The following RARRES1 variants were observed in gnomAD, a reference collection of about 807,000 sequenced individuals.
RARRES1 encodes the protein retinoic acid receptor responder protein 1.
A neutral mutation model predicts 30.6 loss-of-function variants in RARRES1; 34 were observed. The ratio of observed to expected loss-of-function variants is 1.11; its 90% confidence interval spans 0.84 to 1.48. RARRES1 has a LOEUF of 1.48. Among genes scored for constraint, RARRES1 ranks in the 40% most tolerant of loss-of-function variants. The pLI, the probability that RARRES1 is intolerant of heterozygous loss-of-function variation, is 0.00. For missense variants in RARRES1, 373 were observed against 386.5 expected (o/e 0.97, Z 0.29); for synonymous variants, 153 against 155.5 (o/e 0.98, Z 0.12).
chr3:158,703,402 G>C (rs1026443228), intron 4 of RARRES1, among the ~76,000 whole-genome samples: 2 of 151,926 alleles, frequency 1.3e-5, no homozygotes, highest in South Asian at 4.2e-4. Flanking sequence ...ATATAAACAT[G>C]CTGTTATGTC....
chr3:158,721,594 A>G (rs1324794016), intron 1 of RARRES1, among the ~76,000 whole-genome samples: 5 of 152,324 alleles, frequency 3.3e-5, no homozygotes, highest in African/African-American at 9.6e-5. Flanking sequence ...CGCCGAGACT[A>G]TTCTCTTCAA....
intron 3 of RARRES1, among the ~76,000 whole-genome samples, chr3:158,709,915 A>G (rs746757061): frequency 9.2e-5 from 14 of 152,230 alleles, no homozygotes; most frequent in Non-Finnish European, 1.8e-4. Flanking sequence ...AGACAGCACC[A>G]CTGCCCATTA....
At position 158,732,276 on chromosome 3, in the gene RARRES1, C is replaced by A; in HGVS notation, c.140G>T (p.Gly47Val). 4.3e-5 allele frequency: 58 copies of A among 1,354,414 alleles called. No homozygotes were observed. The highest frequency in any genetic ancestry group is 5.5e-5 in the Non-Finnish European group (58 of 1,063,680). The allele number at this position is 1,354,414 out of a possible 1,614,324, so 83.9% of individuals were successfully genotyped here. The change falls in exon 1 of 6, where the codon GGG becomes GTG. Residue 47 changes from glycine (G) to valine (V), a missense_variant. Physicochemically the swap from Gly to Val is moderately radical, Grantham distance 109. Transcript: ENST00000237696. Reference sequence around the variant, plus strand: ...CGGGACCCCAGCATCCTGAGGCTGCCCAGGGTCGTCGGGGTCCCCGGACCC... The same window carrying A: ...CGGGACCCCAGCATCCTGAGGCTGCACAGGGTCGTCGGGGTCCCCGGACCC... ...PAGSGDPDDP[G>V]QPQDAGVPRR...
chr3:158,713,527 T>C (rs1312300446), intron 2 of RARRES1, among the ~76,000 whole-genome samples: 2 of 152,070 alleles, frequency 1.3e-5, no homozygotes, highest in East Asian at 3.9e-4. Context: ...AGCTGTGAAA[T>C]TCTCTCCCAG....
intron 1 of RARRES1, among the ~76,000 whole-genome samples, chr3:158,729,523 T>A (rs1441023656): frequency 6.6e-6 from 1 of 152,124 alleles, no homozygotes; most frequent in African/African-American, 2.4e-5. Context: ...CCATCTTGGC[T>A]CACTGCAACC....
intron 1 of RARRES1, among the ~76,000 whole-genome samples, chr3:158,720,273 T>TGTGTGAGAGA (rs1160861397): frequency 1.7e-4 from 24 of 144,452 alleles, no homozygotes; most frequent in African/African-American, 5.7e-4. Flanking sequence ...TGTATGTGTG[T>TGTGTGAGAGA]GAGAGAGAGA....
intron 1 of RARRES1, among the ~76,000 whole-genome samples, chr3:158,721,152 A>T (rs1016037119): frequency 6.6e-6 from 1 of 151,638 alleles, no homozygotes; most frequent in African/African-American, 2.4e-5. Context: ...CTGGAAAGGT[A>T]GTGTGTGTGC....
intron 1 of RARRES1, among the ~76,000 whole-genome samples, chr3:158,720,745 C>T (rs763338612): frequency 5.9e-5 from 9 of 152,140 alleles, no homozygotes; most frequent in African/African-American, 1.4e-4. Flanking sequence ...AGGGATTCTC[C>T]GGGCCGCCTT....
In RARRES1 at chr3:158,713,782, A is replaced by AT. The variant is rs1265243623; in HGVS notation, c.339+14dup. ...CAGTTGCTAATAGGATACTTTGCCA[A>AT]TTGTGGCAGCTTACCTCTGGGTTGT... On this transcript the variant is annotated intron_variant, in intron 2 of 5. Transcript: ENST00000237696. 1.0e-5 allele frequency: 16 copies of AT among 1,607,300 alleles called. No individual in the cohort carries two copies. The highest frequency in any genetic ancestry group is 1.2e-5 in the Non-Finnish European group (14 of 1,176,442).
chr3:158,709,109 C>T (rs59246409), intron 3 of RARRES1, among the ~76,000 whole-genome samples: 2,488 of 152,188 alleles, frequency 0.016, 66 homozygotes, highest in African/African-American at 0.057. Context: ...ACAAGTTTTT[C>T]GATGAAAAGT....
intron 4 of RARRES1, 32 bp from the exon 5 acceptor site, chr3:158,698,002 A>G (rs1559866477): frequency 7.2e-7 from 1 of 1,392,434 alleles, no homozygotes; most frequent in Admixed American, 1.9e-5. Context: ...AGTGTAATAA[A>G]TATGGTGGTA....
At chr3:158,700,890 G>C (rs569270897) in intron 4 of RARRES1, among the ~76,000 whole-genome samples, 7 of 151,230 alleles carry the variant, frequency 4.6e-5, no homozygotes, top group African/African-American at 1.7e-4. Flanking sequence ...CCCACCCCAT[G>C]CCCCTCCACC....
intron 2 of RARRES1, among the ~76,000 whole-genome samples, chr3:158,712,306 G>A (rs888711532): frequency 2.0e-5 from 3 of 152,146 alleles, no homozygotes; most frequent in Admixed American, 6.5e-5. Context: ...TTCTCTCTGC[G>A]CTTGAGCCCA....
intron 1 of RARRES1, 53 bp downstream of exon 1, chr3:158,732,087 G>C: frequency 7.7e-7 from 1 of 1,294,230 alleles, no homozygotes; most frequent in Non-Finnish European, 9.8e-7. Context: ...TCACCTCCCA[G>C]CGCCGTGCGC....
intron 1 of RARRES1, among the ~76,000 whole-genome samples, chr3:158,729,157 C>T (rs139779892): frequency 2.6e-3 from 392 of 152,132 alleles, no homozygotes; most frequent in African/African-American, 9.1e-3. Flanking sequence ...GTTGGCAGAA[C>T]ATGAATTATT....
intron 4 of RARRES1, among the ~76,000 whole-genome samples, chr3:158,703,179 A>G (rs1649345852): frequency 6.6e-6 from 1 of 152,104 alleles, no homozygotes; most frequent in African/African-American, 2.4e-5. Context: ...GTTAGAATAG[A>G]GCTTCCACAA....
intron 1 of RARRES1, among the ~76,000 whole-genome samples, chr3:158,719,516 C>A (rs984663326): frequency 6.6e-6 from 1 of 152,176 alleles, no homozygotes; most frequent in African/African-American, 2.4e-5. Context: ...AGGTGATCCA[C>A]CTGTCTTGGC....
Position 158,732,444 on chromosome 3 carries a change from A to G in RARRES1, c.-29T>C. The stretch of plus-strand genomic sequence containing the variant: ...CGCAGGAAAGTTGGCTCGGCACCCG[A>G]CAGACACGGGCTCGGAGCGGGCAGT... On this transcript the variant is annotated 5_prime_UTR_variant, in exon 1 of 6. Transcript: ENST00000237696. The G allele has an allele frequency of 2.6e-6, 4 of 1,517,786 alleles. No individual in the cohort carries two copies. The highest frequency in any genetic ancestry group is 3.5e-6 in the Non-Finnish European group (4 of 1,137,860). 94.0% of individuals were successfully genotyped at this position (1,517,786 alleles called of 1,614,324 possible).
chr3:158,698,053 G>T, intron 4 of RARRES1, 83 bp from the exon 5 acceptor site: 1 of 973,726 alleles, frequency 1.0e-6, no homozygotes, highest in South Asian at 1.7e-5. Flanking sequence ...GTTTTGAATG[G>T]GTGCCTTGTG....
Sources: allele counts gnomAD v4.1 joint callset (sites outside exome capture counted in the v4.1 genomes callset), GRCh38; gene constraint gnomAD v4.1.1; transcripts MANE v1.5; gene names NCBI Gene and HGNC (gene_info 2026-07-23, HGNC 2026-07-21).